KANSL1: variants seen among roughly 807,000 people sequenced by gnomAD.
KANSL1 encodes the protein MLL1/MLL complex subunit KANSL1.
A neutral mutation model predicts 103.6 loss-of-function variants in KANSL1; 22 were observed. The ratio of observed to expected loss-of-function variants is 0.21; its 90% confidence interval spans 0.15 to 0.30. The LOEUF is 0.30. Ranked by LOEUF, KANSL1 falls within the 10% of genes least tolerant of loss-of-function variation. KANSL1 has a pLI of 1.00. For synonymous variants in KANSL1, 600 were observed against 527.6 expected (o/e 1.14, Z -1.88); for missense variants, 1,337 against 1,399.8 (o/e 0.96, Z 0.72).
chr17:46,204,481 A>G (rs552698605), intron 1 of KANSL1, among the ~76,000 whole-genome samples: 40 of 152,348 alleles, frequency 2.6e-4, no homozygotes, highest in Non-Finnish European at 3.7e-4. Flanking sequence ...ACAAACAGTT[A>G]TATCTTTAAT....
chr17:46,173,208 GT>G (rs1567766909), intron 1 of KANSL1, among the ~76,000 whole-genome samples: 1 of 152,128 alleles, frequency 6.6e-6, no homozygotes, highest in East Asian at 1.9e-4. Flanking sequence ...GCTGCACAAG[GT>G]CCCTTCTGCC....
chr17:46,105,591 G>C (rs1247729001), intron 2 of KANSL1, among the ~76,000 whole-genome samples: 5 of 152,068 alleles, frequency 3.3e-5, no homozygotes, highest in Non-Finnish European at 7.4e-5. Flanking sequence ...CTCCAGACCA[G>C]GTGACAAGAG....
chr17:46,182,694 CAAT>C (rs1421574666), intron 1 of KANSL1, among the ~76,000 whole-genome samples: 3 of 152,224 alleles, frequency 2.0e-5, no homozygotes, highest in African/African-American at 4.8e-5. Flanking sequence ...TTAATCTTCA[CAAT>C]AACAATGTAA....
rs189427025 is a variant in KANSL1 at position 46,124,846 on chromosome 17, T to C, written c.1290-30145A>G. On this transcript the variant is annotated intron_variant, in intron 2 of 14. Transcript: ENST00000432791. ...ATGTGACTGAACTGCAATCTCGTGA[T>C]AAAACTGAAACAGATGCAAAGTTAA... 1.1e-3 allele frequency among the ~76,000 whole-genome samples: 166 copies of C among 151,940 alleles called. 1 individual carries two copies. The highest frequency in any genetic ancestry group is 1.7e-3 in the Non-Finnish European group (117 of 67,998).
rs566908037 is a variant in KANSL1 at position 46,161,971 on chromosome 17, T to C, written c.1289+8884A>G. On this transcript the variant is annotated intron_variant, in intron 2 of 14. Transcript: ENST00000432791. ...TTAAAATAATTTCAAAGCAATTTTGTCTACCATGGTACAAGAAACCTTTCT... is the reference window on the plus strand; with the variant it reads ...TTAAAATAATTTCAAAGCAATTTTGCCTACCATGGTACAAGAAACCTTTCT... 6.3e-4 allele frequency among the ~76,000 whole-genome samples: 96 copies of C among 152,372 alleles called. 2 individuals are homozygous for C. In the Middle Eastern group the frequency reaches 0.014, roughly 22 times the overall value.
At chr17:46,152,431 A>G (rs2045161108) in intron 2 of KANSL1, among the ~76,000 whole-genome samples, 1 of 152,258 alleles carries the variant, frequency 6.6e-6, no homozygotes, top group Non-Finnish European at 1.5e-5. Flanking sequence ...AATCAGCTAT[A>G]TTACAACTAT....
chr17:46,165,302 G>A (rs1234587688), intron 2 of KANSL1, among the ~76,000 whole-genome samples: 32 of 152,016 alleles, frequency 2.1e-4, no homozygotes, highest in African/African-American at 6.0e-4. Flanking sequence ...GTGCGATCTC[G>A]GCTCACTGCA....
intron 2 of KANSL1, among the ~76,000 whole-genome samples, chr17:46,113,510 T>TC (rs1331381977): frequency 1.3e-5 from 2 of 152,242 alleles, no homozygotes; most frequent in Admixed American, 1.3e-4. Flanking sequence ...TGCAAGCCTT[T>TC]GTGTCTCTCA....
chr17:46,158,133 A>T (rs2045530999), intron 2 of KANSL1, among the ~76,000 whole-genome samples: 1 of 152,234 alleles, frequency 6.6e-6, no homozygotes, highest in African/African-American at 2.4e-5. Flanking sequence ...CAGTAACTGA[A>T]ATTCTGCCTT....
At chr17:46,078,022 T>C (rs569715486) in intron 4 of KANSL1, among the ~76,000 whole-genome samples, 1 of 152,342 alleles carries the variant, frequency 6.6e-6, no homozygotes, top group East Asian at 1.9e-4. Context: ...AGACAATGTA[T>C]GCAATACATT....
At chr17:46,107,563 A>T (rs1346979420) in intron 2 of KANSL1, among the ~76,000 whole-genome samples, 1 of 152,216 alleles carries the variant, frequency 6.6e-6, no homozygotes, top group Admixed American at 6.5e-5. Flanking sequence ...CATATGCGAA[A>T]TCACTAAATC....
chr17:46,144,560 G>A (rs549256150), intron 2 of KANSL1, among the ~76,000 whole-genome samples: 1 of 152,272 alleles, frequency 6.6e-6, no homozygotes, highest in African/African-American at 2.4e-5. Flanking sequence ...TTTATAAACA[G>A]CCATGAATTG....
In KANSL1 at chr17:46,032,108, G is replaced by A. The variant is rs7220988; in HGVS notation, c.3029C>T (p.Pro1010Leu). ...GGTATCCTCACTGGCTAAGTGTCGC[G>A]GAGTGTCCCGAGCCACAGGGGTGAG... is the stretch of plus-strand genomic sequence containing the variant. Reference protein sequence around the residue: ...APLTPVARDTPRHLASEDTRC... With the variant: ...APLTPVARDTLRHLASEDTRC... Residue 1010 changes from proline to leucine, a missense_variant, in exon 14 of 15, where the codon CCG becomes CTG. Physicochemically the swap from Pro to Leu is moderately conservative, Grantham distance 98 (BLOSUM62 -3). Coordinates refer to ENST00000432791, the MANE Select transcript of KANSL1 (RefSeq NM_015443.4). 0.39 allele frequency: 625,758 copies of A among 1,613,746 alleles called. 126,362 individuals are homozygous for A. The highest frequency in any genetic ancestry group is 0.57 in the South Asian group (51,669 of 91,064).
chr17:46,033,349 G>C (rs2077062843), intron 12 of KANSL1, 54 bp downstream of exon 12: 1 of 1,491,094 alleles, frequency 6.7e-7, no homozygotes, highest in Admixed American at 1.7e-5. Context: ...GCACTCATAT[G>C]TATGTGTGCA....
At chr17:46,133,466 T>C (rs934478537) in intron 2 of KANSL1, among the ~76,000 whole-genome samples, 10 of 152,134 alleles carry the variant, frequency 6.6e-5, no homozygotes, top group Admixed American at 1.3e-4. Flanking sequence ...AAAAAAGCTA[T>C]GAGGCAGGAA....
chr17:46,100,691 T>C (rs1167385863), intron 2 of KANSL1, among the ~76,000 whole-genome samples: 3 of 152,230 alleles, frequency 2.0e-5, no homozygotes, highest in African/African-American at 4.8e-5. Context: ...ACACCACATG[T>C]TGACTACCAG....
intron 3 of KANSL1, among the ~76,000 whole-genome samples, chr17:46,087,456 G>C (rs532011064): frequency 3.2e-4 from 48 of 152,320 alleles, no homozygotes; most frequent in African/African-American, 1.1e-3. Context: ...CATTCATGCA[G>C]GTAGCATCTA....
At chr17:46,084,468 G>A (rs1279066700) in intron 3 of KANSL1, among the ~76,000 whole-genome samples, 3 of 151,844 alleles carry the variant, frequency 2.0e-5, no homozygotes, top group Non-Finnish European at 4.4e-5. Context: ...GGGAGGTTGA[G>A]GTTAGGAGTG....
chr17:46,168,856 T>C (rs1253276345), intron 2 of KANSL1, among the ~76,000 whole-genome samples: 2 of 152,254 alleles, frequency 1.3e-5, no homozygotes, highest in Admixed American at 6.5e-5. Context: ...TAAACCATTA[T>C]GTGAGAAGAA....
Sources: allele counts gnomAD v4.1 joint callset (sites outside exome capture counted in the v4.1 genomes callset), GRCh38; gene constraint gnomAD v4.1.1; transcripts MANE v1.5; gene names NCBI Gene and HGNC (gene_info 2026-07-23, HGNC 2026-07-21).